The following UQCC1 variants were observed in gnomAD, a reference collection of about 807,000 sequenced individuals.
The protein encoded by UQCC1 is bFGF-repressed Zic-binding protein.
A neutral mutation model predicts 48.0 loss-of-function variants in UQCC1; 38 were observed. That is an observed-to-expected ratio of 0.79 (90% confidence interval 0.61 to 1.04). The LOEUF is 1.04. Among genes scored for constraint, UQCC1 ranks in the 50% least tolerant of loss-of-function variants. The pLI is 0.00. For synonymous variants in UQCC1, 111 were observed against 129.2 expected, an observed-to-expected ratio of 0.86 and a Z score of 0.95; for missense variants, 368 against 381.8, an observed-to-expected ratio of 0.96 and a Z score of 0.30.
intron 1 of UQCC1, among the ~76,000 whole-genome samples, chr20:35,402,026 C>T (rs958386108): frequency 2.0e-5 from 3 of 152,108 alleles, no homozygotes; most frequent in African/African-American, 7.2e-5. Context: ...AACTCAATTC[C>T]GGAGTCCAAA....
At chr20:35,332,009 G>C (rs2061263355) in intron 7 of UQCC1, among the ~76,000 whole-genome samples, 1 of 152,210 alleles carries the variant, frequency 6.6e-6, no homozygotes, top group South Asian at 2.1e-4. Flanking sequence ...AAAGAGACTT[G>C]CCTAGGATCT....
intron 7 of UQCC1, among the ~76,000 whole-genome samples, chr20:35,339,819 CAA>C (rs746507557): frequency 1.3e-5 from 2 of 151,822 alleles, no homozygotes; most frequent in Non-Finnish European, 2.9e-5. Flanking sequence ...GCAAATGTTG[CAA>C]AAGATTCAGC....
intron 6 of UQCC1, among the ~76,000 whole-genome samples, chr20:35,358,356 C>CAAAAA (rs1198006186): frequency 1.9e-3 from 93 of 49,380 alleles, no homozygotes; most frequent in East Asian, 2.4e-3. Flanking sequence ...GACTCTGTCT[C>CAAAAA]AAAAAAAAAA....
chr20:35,400,616 C>G (rs977603902), intron 1 of UQCC1, among the ~76,000 whole-genome samples: 18 of 152,058 alleles, frequency 1.2e-4, no homozygotes, highest in African/African-American at 4.3e-4. Flanking sequence ...CTGCCTCAGC[C>G]TCCCAAGTAG....
At chr20:35,314,393 G>A (rs2061033255) in intron 8 of UQCC1, among the ~76,000 whole-genome samples, 1 of 151,956 alleles carries the variant, frequency 6.6e-6, no homozygotes, top group Non-Finnish European at 1.5e-5. Context: ...CTAAGACAGT[G>A]TCTCATTTGC....
chr20:35,310,693 AT>A (rs369142415), intron 8 of UQCC1, among the ~76,000 whole-genome samples: 103 of 100,688 alleles, frequency 1.0e-3, no homozygotes, highest in Admixed American at 1.5e-3. Context: ...AAAGCTGCAG[AT>A]TTTTTTTTTT....
At chr20:35,375,114 T>C (rs73903062) in intron 4 of UQCC1, among the ~76,000 whole-genome samples, 1,837 of 152,292 alleles carry the variant, frequency 0.012, 34 homozygotes, top group African/African-American at 0.041. Flanking sequence ...GCTTATTTTT[T>C]CTTATAACAA....
intron 4 of UQCC1, among the ~76,000 whole-genome samples, chr20:35,377,259 A>G (rs1395392641): frequency 3.3e-5 from 5 of 152,264 alleles, no homozygotes; most frequent in African/African-American, 1.2e-4. Flanking sequence ...GAATGCAAAG[A>G]TAATTCAACA....
chr20:35,310,724 G>A (rs1440316441), intron 8 of UQCC1, among the ~76,000 whole-genome samples: 40 of 122,718 alleles, frequency 3.3e-4, no homozygotes, highest in African/African-American at 1.2e-3. Context: ...ATGGAGTCTC[G>A]CTCTGTCACC....
intron 7 of UQCC1, among the ~76,000 whole-genome samples, chr20:35,338,881 A>T (rs1568666089): frequency 3.8e-5 from 3 of 79,812 alleles, no homozygotes; most frequent in African/African-American, 3.1e-4. Context: ...AAAAAAAAAA[A>T]AAAAAAAAAA....
chr20:35,336,004 TACAAAAAAACCC>T (rs1434781024), intron 7 of UQCC1, among the ~76,000 whole-genome samples: 1 of 151,972 alleles, frequency 6.6e-6, no homozygotes, highest in African/African-American at 2.4e-5. Context: ...AACCCATCTC[TACAAAAAAACCC>T]ACAAAAACAA....
At chr20:35,392,611 A>G (rs1251552480) in intron 2 of UQCC1, among the ~76,000 whole-genome samples, 1 of 152,216 alleles carries the variant, frequency 6.6e-6, no homozygotes, top group African/African-American at 2.4e-5. Context: ...CTGAAAAGAA[A>G]TACCTGCATA....
At chr20:35,353,348 A>G (rs1016970540) in intron 6 of UQCC1, among the ~76,000 whole-genome samples, 3 of 151,584 alleles carry the variant, frequency 2.0e-5, no homozygotes, top group African/African-American at 7.3e-5. Context: ...GTGAGCTGAG[A>G]TCATGCCACT....
intron 7 of UQCC1, among the ~76,000 whole-genome samples, chr20:35,327,456 A>G (rs942280406): frequency 3.3e-5 from 5 of 152,204 alleles, no homozygotes; most frequent in African/African-American, 1.2e-4. Context: ...GACTCACCCA[A>G]TTATCACTTG....
intron 5 of UQCC1, among the ~76,000 whole-genome samples, chr20:35,373,377 TAAGTAAAACATCCAG>T (rs986094268): frequency 4.6e-5 from 7 of 152,154 alleles, no homozygotes; most frequent in Non-Finnish European, 1.0e-4. Flanking sequence ...GTCAAAATGC[TAAGTAAAACATCCAG>T]AATGGGCCAG....
intron 7 of UQCC1, among the ~76,000 whole-genome samples, chr20:35,320,487 C>A (rs192994610): frequency 6.6e-6 from 1 of 152,196 alleles, no homozygotes; most frequent in Non-Finnish European, 1.5e-5. Context: ...AGGAATGTAG[C>A]TGCCCCTTCC....
chr20:35,334,561 C>G (rs2061294037), intron 7 of UQCC1, among the ~76,000 whole-genome samples: 1 of 152,166 alleles, frequency 6.6e-6, no homozygotes, highest in Non-Finnish European at 1.5e-5. Flanking sequence ...TCTCGAGACT[C>G]TGGGCATTCT....
chr20:35,399,227 C>T (rs571599497), intron 1 of UQCC1, among the ~76,000 whole-genome samples: 2 of 152,308 alleles, frequency 1.3e-5, no homozygotes, highest in South Asian at 2.1e-4. Context: ...ATTATACAAG[C>T]CCTGCTTTCC....
chr20:35,390,978 C>G (rs1348482695), intron 2 of UQCC1, among the ~76,000 whole-genome samples: 2 of 151,988 alleles, frequency 1.3e-5, no homozygotes, highest in Admixed American at 6.6e-5. Flanking sequence ...GGCGGATCAC[C>G]TCGGATCAGG....
Sources: allele counts gnomAD v4.1 joint callset (sites outside exome capture counted in the v4.1 genomes callset), GRCh38; gene constraint gnomAD v4.1.1; transcripts MANE v1.5; gene names NCBI Gene and HGNC (gene_info 2026-07-23, HGNC 2026-07-21).